Variants in LRP5 observed in about 807,000 individuals in gnomAD.
The protein encoded by LRP5 is LDL receptor related protein 5.
A neutral mutation model predicts 154.1 loss-of-function variants in LRP5; 62 were observed. That is an observed-to-expected ratio of 0.40 (90% confidence interval 0.33 to 0.50). The LOEUF is 0.50. Among genes scored for constraint, LRP5 ranks in the 20% least tolerant of loss-of-function variants. LRP5 has a pLI of 0.55. For synonymous variants in LRP5, 966 were observed against 1,011.5 expected, an observed-to-expected ratio of 0.96 and a Z score of 0.85; for missense variants, 1,915 against 2,336.7, an observed-to-expected ratio of 0.82 and a Z score of 3.72.
chr11:68,303,978 A>G, the LRP5 span, among the ~76,000 whole-genome samples: 1 of 152,258 alleles, frequency 6.6e-6, no homozygotes, highest in South Asian at 2.1e-4. Context: ...TTTTCAGGAG[A>G]GGAGTTCAAG....
chr11:68,301,793 T>C, the LRP5 span, among the ~76,000 whole-genome samples: 1 of 112,448 alleles, frequency 8.9e-6, no homozygotes, highest in African/African-American at 3.3e-5. Flanking sequence ...GCCTGGCTAA[T>C]TTTTTTTGTA....
At chr11:68,384,736 G>A (rs529218035) in intron 5 of LRP5, among the ~76,000 whole-genome samples, 27 of 151,690 alleles carry the variant, frequency 1.8e-4, no homozygotes, top group Admixed American at 4.6e-4. Context: ...TCAGGAGCAT[G>A]TGGAGGGTGG....
chr11:68,352,230 T>C (rs1224408119), intron 2 of LRP5, among the ~76,000 whole-genome samples: 1 of 152,136 alleles, frequency 6.6e-6, no homozygotes, highest in African/African-American at 2.4e-5. Flanking sequence ...GGATCTGTTC[T>C]GAAGAGAAAA....
At chr11:68,427,805 G>A (rs12270231) in intron 16 of LRP5, among the ~76,000 whole-genome samples, 3,983 of 152,168 alleles carry the variant, frequency 0.026, 182 homozygotes, top group African/African-American at 0.087. Flanking sequence ...GGAACAGAGC[G>A]TCTTCTGTCA....
At chr11:68,441,472 G>A (rs1232569619) in intron 21 of LRP5, among the ~76,000 whole-genome samples, 1 of 152,196 alleles carries the variant, frequency 6.6e-6, no homozygotes, top group Non-Finnish European at 1.5e-5. Flanking sequence ...CAGTAACTGA[G>A]TGTTCTGGAG....
At chr11:68,434,128 G>T in intron 18 of LRP5, among the ~76,000 whole-genome samples, 1 of 152,118 alleles carries the variant, frequency 6.6e-6, no homozygotes, top group Non-Finnish European at 1.5e-5. Context: ...GGCTGCAGAG[G>T]TCCATGGCTC....
In LRP5 at chr11:68,347,909, A is replaced by G; in HGVS notation, c.154A>G (p.Lys52Glu). 6.2e-7 allele frequency: 1 copy of G among 1,613,452 alleles called. No homozygotes were observed. Among genetic ancestry groups the G allele is most frequent in the Non-Finnish European group, 8.5e-7 (1 of 1,180,032 alleles). ...DVRLVDAGGV[K>E]LESTIVVSGL... ...ACGGCTGGTGGACGCCGGCGGAGTC[A>G]AGCTGGAGTCCACCATCGTGGTCAG... is the stretch of plus-strand genomic sequence containing the variant. Residue 52 changes from lysine to glutamate, a missense_variant, in exon 2 of 23, where the codon AAG (lysine) becomes GAG (glutamate). Lys to Glu is a moderately conservative substitution (Grantham distance 56). Coordinates refer to ENST00000294304, the MANE Select transcript of LRP5 (RefSeq NM_002335.4).
chr11:68,445,052 C>T (rs1029212530), intron 21 of LRP5, among the ~76,000 whole-genome samples: 2 of 152,160 alleles, frequency 1.3e-5, no homozygotes, highest in African/African-American at 4.8e-5. Flanking sequence ...CCCCAGGAAG[C>T]AGGCCTTCTC....
chr11:68,433,878 C>A, intron 18 of LRP5, 40 bp downstream of exon 18: 1 of 1,584,582 alleles, frequency 6.3e-7, no homozygotes, highest in Non-Finnish European at 8.6e-7. Flanking sequence ...AGACCCTGGC[C>A]CTGCCCTCCG....
At chr11:68,347,418 G>A (rs919069945) in intron 1 of LRP5, among the ~76,000 whole-genome samples, 2 of 152,172 alleles carry the variant, frequency 1.3e-5, no homozygotes, top group African/African-American at 2.4e-5. Flanking sequence ...GGTCTGTAGC[G>A]AGCAGCATGG....
In LRP5 at chr11:68,353,482, G is replaced by A. The variant is rs916012607; in HGVS notation, c.489-4168G>A. Among the ~76,000 whole-genome samples, 4 of 152,180 alleles carry A rather than the reference G, an allele frequency of 2.6e-5. No individual in the cohort carries two copies. The highest frequency in any genetic ancestry group is 2.1e-4 in the South Asian group (1 of 4,828). ...AGGATTCCAGCCTGTCACAGCGCCCGCGGCAGCAACCCCTGCTCGCCAAAT... is the reference window on the plus strand; with the variant it reads ...AGGATTCCAGCCTGTCACAGCGCCCACGGCAGCAACCCCTGCTCGCCAAAT... On this transcript the variant is annotated intron_variant, in intron 2 of 22. Transcript: ENST00000294304. This position sits in a 1 kb window ranked among gnomAD's most constrained non-coding sequence, Gnocchi z 4.5.
rs879805947 is a variant in LRP5, at chr11:68,444,531, C to T, written c.4489-1905C>T. 1.4e-4 allele frequency among the ~76,000 whole-genome samples: 21 copies of T among 148,420 alleles called. 1 individual carries two copies. On this transcript the variant is annotated intron_variant, in intron 21 of 22. Coordinates refer to ENST00000294304, the MANE Select transcript of LRP5 (RefSeq NM_002335.4). ...AGACTCAGTCAAAACAACAACAACG[C>T]AGGAATAGCAGATGAGCCGAGTGGC... is the stretch of plus-strand genomic sequence containing the variant.
intron 1 of LRP5, among the ~76,000 whole-genome samples, chr11:68,334,380 A>T (rs1477042801): frequency 1.3e-5 from 2 of 152,196 alleles, no homozygotes; most frequent in Non-Finnish European, 2.9e-5. Flanking sequence ...GCAGATGGGA[A>T]GCTGGTTATG....
At chr11:68,396,870 G>C (rs577442927) in intron 7 of LRP5, among the ~76,000 whole-genome samples, 1 of 152,154 alleles carries the variant, frequency 6.6e-6, no homozygotes, top group African/African-American at 2.4e-5. Flanking sequence ...GCTTGGAGCC[G>C]CATCCGAGTC....
intron 1 of LRP5, among the ~76,000 whole-genome samples, chr11:68,318,054 A>T (rs116682052): frequency 0.1 from 15,293 of 150,542 alleles, 835 homozygotes; most frequent in Middle Eastern, 0.12. Flanking sequence ...TTTTTTTGAG[A>T]TTTAATTTTT....
At chr11:68,445,715 A>T in intron 21 of LRP5, 1 of 1,268,622 alleles carries the variant, frequency 7.9e-7, no homozygotes, top group Non-Finnish European at 1.0e-6. Context: ...GTGTGGGCCC[A>T]GGGCCCCTGG....
At chr11:68,354,803 G>A (rs2098621792) in intron 2 of LRP5, among the ~76,000 whole-genome samples, 1 of 152,194 alleles carries the variant, frequency 6.6e-6, no homozygotes, top group South Asian at 2.1e-4. Flanking sequence ...CTGCCTAATG[G>A]GAATAGCAAT....
At chr11:68,365,723 GGGGC>G (rs929249377) in intron 5 of LRP5, 21 bp downstream of exon 5, 25 of 1,451,484 alleles carry the variant, frequency 1.7e-5, no homozygotes, top group East Asian at 2.5e-5. Flanking sequence ...GGGACGGGAC[GGGGC>G]GGGCGGGCGG....
chr11:68,392,644 G>A (rs1021956491), intron 7 of LRP5, among the ~76,000 whole-genome samples: 6 of 152,114 alleles, frequency 3.9e-5, no homozygotes, highest in South Asian at 4.2e-4. Flanking sequence ...CATGCCCACC[G>A]GCACTCACGC....
Sources: allele counts gnomAD v4.1 joint callset (sites outside exome capture counted in the v4.1 genomes callset), GRCh38; gene constraint gnomAD v4.1.1; non-coding constraint Gnocchi (gnomAD v3.1); transcripts MANE v1.5; gene names NCBI Gene and HGNC (gene_info 2026-07-23, HGNC 2026-07-21).